The following CDAN1 variants were observed in gnomAD, a reference collection of about 807,000 sequenced individuals.
The protein encoded by CDAN1 is codanin-1.
CDAN1 carries 107 observed loss-of-function variants against 139.8 expected under a neutral mutation model. That is an observed-to-expected ratio of 0.77 (90% CI 0.65 to 0.90). CDAN1 has a LOEUF of 0.90. Among genes scored for constraint, CDAN1 ranks in the 40% least tolerant of loss-of-function variants. The pLI is 0.00. For missense variants in CDAN1, 1,667 were observed against 1,575.7 expected (o/e 1.06, Z -0.98); for synonymous variants, 776 against 660.6 (o/e 1.17, Z -2.68).
Position 42,724,385 on chromosome 15 carries a change from A to G in CDAN1, c.*106T>C. 6.9e-7 allele frequency: 1 copy of G among 1,456,522 alleles called. No individual in the cohort carries two copies. 90.2% of individuals were successfully genotyped at this position (1,456,522 alleles called of 1,614,324 possible). A position where few individuals can be genotyped will look rare whatever the true frequency, so the allele number is the denominator to read the frequency against. ...GAGCAGGAAGTCTGACTGTAGACCCAGCTACACCCCAACCAGTGAGGGTCT... is the reference window on the plus strand; with the variant it reads ...GAGCAGGAAGTCTGACTGTAGACCCGGCTACACCCCAACCAGTGAGGGTCT... On this transcript the variant is annotated 3_prime_UTR_variant, in exon 28 of 28. Transcript: ENST00000356231.
Position 42,735,684 on chromosome 15 carries a change from G to A in CDAN1, c.774-5C>T. 6.2e-7 allele frequency: 1 copy of A among 1,613,814 alleles called. No individual in the cohort carries two copies. Among genetic ancestry groups the A allele is most frequent in the Non-Finnish European group, 8.5e-7 (1 of 1,179,966 alleles). ...GACTGCTGCAGCTGCTTAGAGCTAT[G>A]GAATAAAGAAATTTCATGAGCAGTC... On this transcript the variant is annotated splice_polypyrimidine_tract_variant and splice_region_variant and intron_variant, in intron 3 of 27. Coordinates refer to ENST00000356231, the MANE Select transcript of CDAN1 (RefSeq NM_138477.4).
At chr15:42,730,084 C>T (rs766152121) in intron 15 of CDAN1, 44 bp downstream of exon 15, 2 of 1,562,316 alleles carry the variant, frequency 1.3e-6, no homozygotes, top group Admixed American at 3.3e-5. Context: ...TCCCCATCTT[C>T]AGCTGTAGAA....
intron 6 of CDAN1, 148 bp downstream of exon 6, chr15:42,734,952 C>T (rs1202265993): frequency 4.2e-6 from 3 of 711,534 alleles, no homozygotes; most frequent in South Asian, 3.0e-5. Flanking sequence ...ACATTCATAG[C>T]CTTAACACAA....
rs887527615 is a variant in CDAN1 at position 42,724,366 on chromosome 15, G to GAAGT, written c.*121_*124dup. The GAAGT allele has an allele frequency of 7.8e-7, 1 of 1,288,998 alleles. No individual in the cohort carries two copies. The highest frequency in any genetic ancestry group is 1.1e-6 in the Non-Finnish European group (1 of 923,806). The allele number at this position is 1,288,998 out of a possible 1,614,324, so 79.8% of individuals were successfully genotyped here. A position where few individuals can be genotyped will look rare whatever the true frequency, so the allele number is the denominator to read the frequency against. On this transcript the variant is annotated 3_prime_UTR_variant, in exon 28 of 28. Transcript: ENST00000356231. Reference sequence around the variant, plus strand: ...CCAGGCAGTGACACCCTTAGAGCAGGAAGTCTGACTGTAGACCCAGCTACA... The same window carrying GAAGT: ...CCAGGCAGTGACACCCTTAGAGCAGGAAGTAAGTCTGACTGTAGACCCAGCTACA...
At chr15:42,729,983 C>G in intron 15 of CDAN1, 98 bp from the exon 16 acceptor site, 2 of 975,330 alleles carry the variant, frequency 2.1e-6, no homozygotes, top group Non-Finnish European at 2.9e-6. Context: ...AGCTTCAAAG[C>G]AGCCACCTCT....
chr15:42,727,758 T>G lies in CDAN1; in HGVS notation c.2959A>C (p.Arg987=). Residue 987 remains arginine, a synonymous_variant, in exon 23 of 28, where the codon AGG becomes CGG. Coordinates refer to ENST00000356231, the MANE Select transcript of CDAN1 (RefSeq NM_138477.4). ...LSANITALIR[R]EVKAAVSRTL... ...CGACTCACTGCTGCTTTCACCTCCC[T>G]CCTGATCAGTGCTGTGGGGCAGAGG... The G allele has an allele frequency of 6.3e-7, 1 of 1,598,580 alleles. No homozygotes were observed. Among genetic ancestry groups the G allele is most frequent in the Non-Finnish European group, 8.5e-7 (1 of 1,170,726 alleles).
In CDAN1 at chr15:42,729,789, C is replaced by A. The variant is rs750404214; in HGVS notation, c.2352+7G>T. On this transcript the variant is annotated splice_region_variant and intron_variant, in intron 16 of 27. Coordinates refer to ENST00000356231, the MANE Select transcript of CDAN1 (RefSeq NM_138477.4). ...TCCCATGGCTCTGGCGGAACCCCAG[C>A]ACTCACCAAGCCATGCTCTGGGGCT... 1.2e-6 allele frequency: 2 copies of A among 1,612,100 alleles called. No individual in the cohort carries two copies. The highest frequency in any genetic ancestry group is 2.7e-5 in the African/African-American group (2 of 74,904).
At chr15:42,734,385 C>T in intron 6 of CDAN1, 39 bp from the exon 7 acceptor site, 1 of 1,613,302 alleles carries the variant, frequency 6.2e-7, no homozygotes, top group Non-Finnish European at 8.5e-7. Context: ...GACCAGAACA[C>T]AGACTGCAAG....
Position 42,731,214 on chromosome 15 carries a change from C to G in CDAN1, c.1857G>C (p.Trp619Cys). Residue 619 changes from tryptophan to cysteine, a missense_variant, in exon 12 of 28, where the codon TGG (tryptophan) becomes TGC (cysteine). Physicochemically the swap from Trp to Cys is radical, Grantham distance 215 (BLOSUM62 -2). Transcript: ENST00000356231. ...TTCCCTTGTTCTGTTTTCGGACCTG[C>G]CAGTCTACGTCTGACTCCCCGTCTT... ...NDEDGESDVD[W>C]QGERKQFAVV... 1 of 1,614,246 alleles carries G rather than the reference C, an allele frequency of 6.2e-7. No individual in the cohort carries two copies. Among genetic ancestry groups the G allele is most frequent in the Non-Finnish European group, 8.5e-7 (1 of 1,180,052 alleles).
chr15:42,729,418 T>G (rs1252158312), intron 17 of CDAN1, 56 bp from the exon 18 acceptor site: 2 of 1,610,422 alleles, frequency 1.2e-6, no homozygotes, highest in African/African-American at 2.7e-5. Flanking sequence ...TCCCTAAGTA[T>G]CATGGACTTT....
At position 42,726,130 on chromosome 15, in the gene CDAN1, C is replaced by T; in HGVS notation, c.3235G>A (p.Ala1079Thr). The T allele has an allele frequency of 1.9e-6, 3 of 1,614,140 alleles. No individual in the cohort carries two copies. Among genetic ancestry groups the T allele is most frequent in the Non-Finnish European group, 2.5e-6 (3 of 1,180,022 alleles). Residue 1079 changes from alanine to threonine, a missense_variant, in exon 25 of 28, where the codon GCA (alanine) becomes ACA (threonine). Coordinates refer to ENST00000356231, the MANE Select transcript of CDAN1 (RefSeq NM_138477.4). ...FLCPPAEQHLAKCSVELASLL... is the reference protein window; with the variant it reads ...FLCPPAEQHLTKCSVELASLL... ...GAAGCTAACTCCACAGAGCACTTTGCCAGATGCTGCTCAGCAGGTGGGCAC... is the reference window on the plus strand; with the variant it reads ...GAAGCTAACTCCACAGAGCACTTTGTCAGATGCTGCTCAGCAGGTGGGCAC...
chr15:42,736,918 G>C, intron 1 of CDAN1, 95 bp downstream of exon 1: 1 of 1,469,328 alleles, frequency 6.8e-7, no homozygotes, highest in Non-Finnish European at 9.1e-7. Context: ...GGCCCGGCTG[G>C]CAGCCAGGCG....
At chr15:42,732,547 G>A (rs893272110) in intron 9 of CDAN1, 139 bp from the exon 10 acceptor site, 1 of 746,804 alleles carries the variant, frequency 1.3e-6, no homozygotes, top group Admixed American at 2.0e-5. Flanking sequence ...GCCTGCAAAG[G>A]GACACTGAAG....
rs145030804 is a variant in CDAN1 at position 42,730,970 on chromosome 15, G to T, written c.1962C>A (p.Pro654=). The T allele has an allele frequency of 6.2e-7, 1 of 1,614,172 alleles. No homozygotes were observed. Among genetic ancestry groups the T allele is most frequent in the East Asian group, 2.2e-5 (1 of 44,874 alleles). Residue 654 remains proline (P), a synonymous_variant, in exon 13 of 28, where the codon CCC becomes CCA. Coordinates refer to ENST00000356231, the MANE Select transcript of CDAN1 (RefSeq NM_138477.4). ...TGGAGTCCTGAAGCTCACCGGTCGGGGGAGGTTCAGGCCCCCGGTATGGCA... is the reference window on the plus strand; with the variant it reads ...TGGAGTCCTGAAGCTCACCGGTCGGTGGAGGTTCAGGCCCCCGGTATGGCA... ...AFLPYRGPEP[P]PTGELQDSIL...
chr15:42,734,773 C>T (rs1054312256), intron 6 of CDAN1, among the ~76,000 whole-genome samples: 4 of 143,834 alleles, frequency 2.8e-5, no homozygotes, highest in Non-Finnish European at 5.9e-5. Context: ...CTCCCCCACA[C>T]CCGGCCTTTT....
rs2061490873 is a variant in CDAN1, at chr15:42,723,942, C to G, written c.*549G>C. Reference sequence around the variant, plus strand: ...CAGGCTGGTCTTGAATTCCTGACCTCAGGCAGTCCGCCGACCTCAGGCCTC... The same window carrying G: ...CAGGCTGGTCTTGAATTCCTGACCTGAGGCAGTCCGCCGACCTCAGGCCTC... On this transcript the variant is annotated 3_prime_UTR_variant, in exon 28 of 28. Coordinates refer to ENST00000356231, the MANE Select transcript of CDAN1 (RefSeq NM_138477.4). 6.0e-6 allele frequency: 1 copy of G among 166,266 alleles called. No individual in the cohort carries two copies. Among genetic ancestry groups the G allele is most frequent in the Non-Finnish European group, 1.3e-5 (1 of 76,492 alleles). The allele number at this position is 166,266 out of a possible 1,614,324, so 10.3% of individuals were successfully genotyped here. A position where few individuals can be genotyped will look rare whatever the true frequency, so the allele number is the denominator to read the frequency against.
At chr15:42,729,178 G>GCC in intron 18 of CDAN1, 51 bp downstream of exon 18, 1 of 1,027,956 alleles carries the variant, frequency 9.7e-7, no homozygotes, top group Non-Finnish European at 1.4e-6. Flanking sequence ...CCCTGTCCCC[G>GCC]CCCCCAACCC....
At chr15:42,736,214 G>C (rs546310338) in intron 2 of CDAN1, 88 bp downstream of exon 2, 1 of 1,586,998 alleles carries the variant, frequency 6.3e-7, no homozygotes, top group East Asian at 2.3e-5. Context: ...TACCCATCCT[G>C]GCGCTCCACT....
chr15:42,733,006 G>A (rs568195098), intron 9 of CDAN1, 91 bp downstream of exon 9: 5 of 1,022,326 alleles, frequency 4.9e-6, no homozygotes, highest in East Asian at 2.4e-5. Flanking sequence ...GTAGGAGCGG[G>A]GAAAACCTTC....
Sources: gnomAD v4.1 joint callset for allele counts (sites outside exome capture counted in the v4.1 genomes callset) on GRCh38, gnomAD v4.1.1 for gene constraint, MANE v1.5 for transcripts, NCBI Gene and HGNC (gene_info 2026-07-23, HGNC 2026-07-21) for gene names.